Variants in SEZ6L observed in about 807,000 individuals in gnomAD.
SEZ6L encodes the protein seizure related 6 homolog like.
SEZ6L carries 37 observed loss-of-function variants against 106.2 expected under a neutral mutation model. The observed-to-expected ratio is 0.35, with a 90% CI of 0.27 to 0.46. SEZ6L has a LOEUF of 0.46. SEZ6L is among the 20% of genes least tolerant of loss of function. The pLI is 1.00. For missense variants in SEZ6L, 1,172 were observed against 1,332.8 expected, an observed-to-expected ratio of 0.88 and a Z score of 1.88; for synonymous variants, 541 against 570.4, an observed-to-expected ratio of 0.95 and a Z score of 0.73.
At chr22:26,294,469 G>A in intron 3 of SEZ6L, 44 bp downstream of exon 3, 1 of 1,591,538 alleles carries the variant, frequency 6.3e-7, no homozygotes, top group Non-Finnish European at 8.6e-7. Context: ...TCGTCTAGCA[G>A]GAAGTCTCAG....
At chr22:26,302,549 C>T (rs2081489214) in intron 5 of SEZ6L, among the ~76,000 whole-genome samples, 1 of 152,148 alleles carries the variant, frequency 6.6e-6, no homozygotes, top group Admixed American at 6.6e-5. Flanking sequence ...TTATTCATAG[C>T]CAAGTGGAGC....
At chr22:26,236,873 A>C (rs995882468) in intron 1 of SEZ6L, among the ~76,000 whole-genome samples, 22 of 152,092 alleles carry the variant, frequency 1.4e-4, no homozygotes, top group Admixed American at 1.2e-3. Flanking sequence ...CCTTCTGTCC[A>C]TGCAGAAGCC....
At chr22:26,244,198 A>G (rs2079245538) in intron 1 of SEZ6L, 1 of 152,016 alleles carries the variant, frequency 6.6e-6, no homozygotes, top group African/African-American at 2.4e-5. Flanking sequence ...GAGTAGAAAA[A>G]TGAGCAGGGT....
chr22:26,307,126 G>C (rs1319138906), intron 6 of SEZ6L, among the ~76,000 whole-genome samples: 1 of 152,160 alleles, frequency 6.6e-6, no homozygotes, highest in Non-Finnish European at 1.5e-5. Flanking sequence ...ACCTCAGAGT[G>C]GTCCTGTTGG....
At chr22:26,281,892 A>G (rs2080782792) in intron 1 of SEZ6L, among the ~76,000 whole-genome samples, 1 of 152,166 alleles carries the variant, frequency 6.6e-6, no homozygotes. Flanking sequence ...ACATTACGGA[A>G]TCCTTGGTCA....
chr22:26,351,003 G>A (rs767036288), intron 11 of SEZ6L, 49 bp from the exon 12 acceptor site: 1 of 1,544,236 alleles, frequency 6.5e-7, no homozygotes, highest in East Asian at 2.3e-5. Flanking sequence ...GCAAACCCAT[G>A]GTCATCCAGA....
chr22:26,238,451 T>G (rs981361556), intron 1 of SEZ6L, among the ~76,000 whole-genome samples: 2 of 152,226 alleles, frequency 1.3e-5, no homozygotes, highest in Admixed American at 6.5e-5. Context: ...TTCATCCACT[T>G]CAAAACTGTT....
intron 1 of SEZ6L, among the ~76,000 whole-genome samples, chr22:26,178,659 T>C (rs1188147893): frequency 2.6e-5 from 4 of 152,128 alleles, no homozygotes; most frequent in African/African-American, 9.7e-5. Context: ...CTTAGTGTCA[T>C]AAATTGGTGA....
intron 6 of SEZ6L, among the ~76,000 whole-genome samples, chr22:26,307,081 G>C (rs2081654223): frequency 6.6e-6 from 1 of 152,190 alleles, no homozygotes. Flanking sequence ...CCGGGATTCT[G>C]TCCACTGGAA....
chr22:26,324,065 CA>C (rs1201060267), intron 9 of SEZ6L, among the ~76,000 whole-genome samples: 10 of 6,220 alleles, frequency 1.6e-3, no homozygotes, highest in South Asian at 4.8e-3. Flanking sequence ...AGTTTTTAAC[CA>C]CACACACACA....
At chr22:26,186,791 A>G (rs1441178086) in intron 1 of SEZ6L, among the ~76,000 whole-genome samples, 2 of 152,150 alleles carry the variant, frequency 1.3e-5, no homozygotes, top group African/African-American at 4.8e-5. Flanking sequence ...TCAAGCAGAG[A>G]ATCATTGTCA....
chr22:26,302,874 G>C (rs2081499422), intron 5 of SEZ6L, among the ~76,000 whole-genome samples: 1 of 152,224 alleles, frequency 6.6e-6, no homozygotes, highest in Admixed American at 6.5e-5. Context: ...TCAGCAGCTT[G>C]GGAGGACAGA....
At chr22:26,203,639 A>G (rs944552146) in intron 1 of SEZ6L, among the ~76,000 whole-genome samples, 1 of 152,212 alleles carries the variant, frequency 6.6e-6, no homozygotes, top group African/African-American at 2.4e-5. Context: ...TCATCTTCTC[A>G]TTTAAGTCTT....
intron 9 of SEZ6L, among the ~76,000 whole-genome samples, chr22:26,325,757 T>C (rs1367231705): frequency 1.8e-5 from 1 of 55,774 alleles, no homozygotes; most frequent in Non-Finnish European, 3.7e-5. Flanking sequence ...ATGGTACCCA[T>C]CTCTTCGAGT....
chr22:26,256,041 A>T (rs1238130148), intron 1 of SEZ6L, among the ~76,000 whole-genome samples: 1 of 152,212 alleles, frequency 6.6e-6, no homozygotes, highest in Non-Finnish European at 1.5e-5. Flanking sequence ...GAAGAGGAAG[A>T]GAGTTCTATG....
At chr22:26,315,746 T>C (rs192141724) in intron 9 of SEZ6L, among the ~76,000 whole-genome samples, 299 of 152,300 alleles carry the variant, frequency 2.0e-3, no homozygotes, top group Non-Finnish European at 3.2e-3. Flanking sequence ...TCCTAGCCCA[T>C]TGCCTCACTC....
At chr22:26,353,362 T>A (rs2083338600) in intron 12 of SEZ6L, among the ~76,000 whole-genome samples, 1 of 152,242 alleles carries the variant, frequency 6.6e-6, no homozygotes, top group Non-Finnish European at 1.5e-5. Context: ...CATATGTGCA[T>A]ATATATGCAT....
intron 3 of SEZ6L, among the ~76,000 whole-genome samples, chr22:26,294,997 T>C (rs776636986): frequency 1.3e-5 from 2 of 152,050 alleles, no homozygotes; most frequent in Non-Finnish European, 2.9e-5. Context: ...TTCTGGTTAT[T>C]AGGACATTTT....
rs866409894 is a variant in SEZ6L, at chr22:26,208,866, G to C, written c.94+39103G>C. On this transcript the variant is annotated intron_variant, in intron 1 of 16. Coordinates refer to ENST00000248933, the MANE Select transcript of SEZ6L (RefSeq NM_021115.5). ...ACTCTCTCTCTGTGTGTGTGTGTGT[G>C]TGTGTGTGTGTGTGTGTGTGTGTGT... 5.4e-4 allele frequency among the ~76,000 whole-genome samples: 73 copies of C among 136,024 alleles called. 1 individual carries two copies. Among genetic ancestry groups the C allele is most frequent in the East Asian group, 4.4e-3 (22 of 4,980 alleles). 89.2% of individuals were successfully genotyped at this position (136,024 alleles called of 152,430 possible).
Sources: allele counts gnomAD v4.1 joint callset (sites outside exome capture counted in the v4.1 genomes callset), GRCh38; gene constraint gnomAD v4.1.1; transcripts MANE v1.5; gene names NCBI Gene and HGNC (gene_info 2026-07-23, HGNC 2026-07-21).